The following SH3PXD2A variants were observed in gnomAD, a reference collection of about 807,000 sequenced individuals.
SH3PXD2A encodes SH3 and PX domains 2A, also known as SH3 and PX domain-containing protein 2A.
Under a neutral mutation model 115.2 loss-of-function variants are expected in SH3PXD2A, and 32 were observed. That is an observed-to-expected ratio of 0.28 (90% CI 0.21 to 0.37). SH3PXD2A has a LOEUF of 0.37. Ranked by LOEUF, SH3PXD2A falls within the 10% of genes least tolerant of loss-of-function variation. The pLI, the probability that SH3PXD2A is intolerant of heterozygous loss-of-function variation, is 1.00. For synonymous variants in SH3PXD2A, 610 were observed against 629.1 expected, an observed-to-expected ratio of 0.97 and a Z score of 0.45; for missense variants, 1,328 against 1,498.7, an observed-to-expected ratio of 0.89 and a Z score of 1.88.
intron 6 of SH3PXD2A, among the ~76,000 whole-genome samples, chr10:103,674,969 AG>A (rs1175303841): frequency 1.3e-5 from 2 of 152,226 alleles, no homozygotes; most frequent in Non-Finnish European, 2.9e-5. Context: ...TCCAGGGGGC[AG>A]TTGTTTAGTG....
chr10:103,692,314 C>G (rs1197117387), intron 6 of SH3PXD2A, among the ~76,000 whole-genome samples: 1 of 152,020 alleles, frequency 6.6e-6, no homozygotes, highest in African/African-American at 2.4e-5. Context: ...AGGGCTGGCC[C>G]GCCTCTCTCC....
In SH3PXD2A at chr10:103,627,640, C is replaced by T. The variant is rs543746597; in HGVS notation, c.605-438G>A. Among the ~76,000 whole-genome samples, 119 of 152,342 alleles carry T rather than the reference C, an allele frequency of 7.8e-4. No homozygotes were observed. Among genetic ancestry groups the T allele is most frequent in the African/African-American group, 2.4e-3 (100 of 41,584 alleles). On this transcript the variant is annotated intron_variant, in intron 8 of 14. Coordinates refer to ENST00000369774, the MANE Select transcript of SH3PXD2A (RefSeq NM_001394015.1). The surrounding 1 kb of genome is among the most constrained non-coding windows in gnomAD (Gnocchi z 4.4). The stretch of plus-strand genomic sequence containing the variant: ...TAAGTGCCTCACAGACAGTCTCTAA[C>T]GGTCAACGGTTGCCTTTTCCCCATC...
chr10:103,603,064 C>T lies in SH3PXD2A; in HGVS notation c.2154G>A (p.Leu718=), dbSNP rs2036244000. ...CTGCGTCCGAAGCAGAGCGGGGCTT[C>T]AGGTCGCCACTGGTTTTGGACAAGG... ...SSSLSKTSGD[L]KPRSASDAGI... The change falls in exon 15 of 15, where the codon CTG becomes CTA. Residue 718 remains leucine, a synonymous_variant. Transcript: ENST00000369774. 1.2e-5 allele frequency: 20 copies of T among 1,613,538 alleles called. No homozygotes were observed. In the East Asian group the frequency reaches 4.5e-4, roughly 36 times the overall value.
chr10:103,668,778 C>A (rs1046684038), intron 6 of SH3PXD2A, 126 bp from the exon 7 acceptor site: 16 of 825,416 alleles, frequency 1.9e-5, no homozygotes, highest in Non-Finnish European at 2.6e-5. Flanking sequence ...GGGCGGAAGG[C>A]GGAGGAGGGA....
chr10:103,814,618 C>A (rs2039305180), intron 1 of SH3PXD2A, among the ~76,000 whole-genome samples: 1 of 152,124 alleles, frequency 6.6e-6, no homozygotes, highest in Non-Finnish European at 1.5e-5. Flanking sequence ...GCTGGTAGAT[C>A]CCCTCCCACT....
intron 2 of SH3PXD2A, among the ~76,000 whole-genome samples, chr10:103,772,289 C>T (rs1007541485): frequency 6.6e-6 from 1 of 152,196 alleles, no homozygotes; most frequent in African/African-American, 2.4e-5. Flanking sequence ...GGGCTAGTTT[C>T]CACAGATAAA....
rs1214599021 is a variant in SH3PXD2A at position 103,598,328 on chromosome 10, G to T, written c.*3488C>A. ...ACTGCCCCCAAAGTCCCATGGCCTGGTGAGAATAGTGAGGAGGAGAGGGGC... is the reference window on the plus strand; with the variant it reads ...ACTGCCCCCAAAGTCCCATGGCCTGTTGAGAATAGTGAGGAGGAGAGGGGC... On this transcript the variant is annotated 3_prime_UTR_variant, in exon 15 of 15. Transcript: ENST00000369774. 1 of 152,490 alleles carries T rather than the reference G, an allele frequency of 6.6e-6. No homozygotes were observed. Among genetic ancestry groups the T allele is most frequent in the Non-Finnish European group, 1.5e-5 (1 of 68,046 alleles). 9.4% of individuals were successfully genotyped at this position (152,490 alleles called of 1,614,324 possible). A position where few individuals can be genotyped will look rare whatever the true frequency, so the allele number is the denominator to read the frequency against.
At chr10:103,655,557 G>C (rs2037198263) in intron 8 of SH3PXD2A, among the ~76,000 whole-genome samples, 1 of 152,066 alleles carries the variant, frequency 6.6e-6, no homozygotes, top group Non-Finnish European at 1.5e-5. Flanking sequence ...TGGATCATTT[G>C]AGGCCAGGAG....
intron 5 of SH3PXD2A, among the ~76,000 whole-genome samples, chr10:103,719,717 C>CTTTTTTTTTTTTTTTTTTT (rs2038155760): frequency 8.5e-6 from 1 of 117,594 alleles, no homozygotes; most frequent in Non-Finnish European, 1.8e-5. Context: ...TTTTTTTTTT[C>CTTTTTTTTTTTTTTTTTTT]TTTCTTTTTT....
At chr10:103,687,186 A>T (rs2037689445) in intron 6 of SH3PXD2A, among the ~76,000 whole-genome samples, 1 of 152,202 alleles carries the variant, frequency 6.6e-6, no homozygotes, top group African/African-American at 2.4e-5. Context: ...AAGACATTTC[A>T]TCTGCGGACA....
intron 3 of SH3PXD2A, among the ~76,000 whole-genome samples, chr10:103,748,813 C>T (rs573619510): frequency 9.5e-4 from 144 of 152,180 alleles, no homozygotes; most frequent in Middle Eastern, 3.4e-3. Context: ...GACTGAATGG[C>T]CACACAGAGC....
rs554794060 is a variant in SH3PXD2A at position 103,802,224 on chromosome 10, G to A, written c.73-862C>T. On this transcript the variant is annotated intron_variant, in intron 1 of 14. Transcript: ENST00000369774. The stretch of plus-strand genomic sequence containing the variant: ...CCTTTCAGGAGACCAGAAGTGCTCA[G>A]AGATGTGTGATTCATCTCAGCATCC... 3.3e-5 allele frequency among the ~76,000 whole-genome samples: 5 copies of A among 152,336 alleles called. No individual in the cohort carries two copies. In the South Asian group the frequency reaches 1.0e-3, roughly 32 times the overall value.
intron 6 of SH3PXD2A, among the ~76,000 whole-genome samples, chr10:103,682,693 G>A (rs532080452): frequency 2.4e-4 from 36 of 151,840 alleles, no homozygotes; most frequent in Admixed American, 5.9e-4. Context: ...GGAGGCAGAG[G>A]TTGCAGTGAG....
intron 2 of SH3PXD2A, among the ~76,000 whole-genome samples, chr10:103,770,263 C>T (rs1307583296): frequency 6.6e-6 from 1 of 152,168 alleles, no homozygotes; most frequent in Non-Finnish European, 1.5e-5. Flanking sequence ...GGCTGGAGTA[C>T]AGTGTGCAAT....
rs533450822 is a variant in SH3PXD2A at position 103,606,432 on chromosome 10, T to TAAA, written c.1309-518_1309-516dup. Among the ~76,000 whole-genome samples the TAAA allele has an allele frequency of 2.8e-3, 23 of 8,156 alleles. 1 individual carries two copies. The highest frequency in any genetic ancestry group is 9.8e-3 in the African/African-American group (21 of 2,138). 5.4% of individuals were successfully genotyped at this position (8,156 alleles called of 152,430 possible). A position where few individuals can be genotyped will look rare whatever the true frequency, so the allele number is the denominator to read the frequency against. On this transcript the variant is annotated intron_variant, in intron 13 of 14. Coordinates refer to ENST00000369774, the MANE Select transcript of SH3PXD2A (RefSeq NM_001394015.1). ...TCTCTCAGGATCTGGAAGAATTTGC[T>TAAA]AAAAAAAAAAAAAAAAAAAAAAAAA...
In SH3PXD2A at chr10:103,647,445, G is replaced by C. The variant is rs181166081; in HGVS notation, c.604+13538C>G. On this transcript the variant is annotated intron_variant, in intron 8 of 14. Transcript: ENST00000369774. The stretch of plus-strand genomic sequence containing the variant: ...GGTGTGGAGGGCAGGTCAGGCCCCT[G>C]AGGTCCAAATGCTCCTCTCACCTGG... Among the ~76,000 whole-genome samples, 34 of 152,254 alleles carry C rather than the reference G, an allele frequency of 2.2e-4. No homozygotes were observed. The East Asian group carries it at 6.6e-3, about 29-fold the overall frequency.
chr10:103,711,084 G>C (rs1200251097), intron 5 of SH3PXD2A, among the ~76,000 whole-genome samples: 1 of 152,158 alleles, frequency 6.6e-6, no homozygotes, highest in Non-Finnish European at 1.5e-5. Context: ...CATAGCTGGT[G>C]GGGGGCTGAA....
intron 10 of SH3PXD2A, among the ~76,000 whole-genome samples, chr10:103,619,019 A>G (rs2036563303): frequency 6.6e-6 from 1 of 151,872 alleles, no homozygotes; most frequent in Admixed American, 6.6e-5. Flanking sequence ...CTACTAGCCA[A>G]ATTCAAACGG....
intron 3 of SH3PXD2A, among the ~76,000 whole-genome samples, chr10:103,745,192 T>C (rs1468508313): frequency 6.6e-6 from 1 of 152,224 alleles, no homozygotes. Context: ...GGGGGAAGCC[T>C]ATCAGAGAAT....
Sources: allele counts gnomAD v4.1 joint callset (sites outside exome capture counted in the v4.1 genomes callset), GRCh38; gene constraint gnomAD v4.1.1; non-coding constraint Gnocchi (gnomAD v3.1); transcripts MANE v1.5; gene names NCBI Gene and HGNC (gene_info 2026-07-23, HGNC 2026-07-21).